LYN: variants seen among roughly 807,000 people sequenced by gnomAD.
LYN encodes the protein LYN proto-oncogene, Src family tyrosine kinase, also known as tyrosine-protein kinase Lyn.
Under a neutral mutation model 65.0 loss-of-function variants are expected in LYN, and 12 were observed. The observed-to-expected ratio is 0.18, with a 90% CI of 0.12 to 0.30. LYN has a LOEUF of 0.30. Among genes scored for constraint, LYN ranks in the 10% least tolerant of loss-of-function variants. The pLI, the probability that LYN is intolerant of heterozygous loss-of-function variation, is 1.00. For missense variants in LYN, 380 were observed against 623.2 expected, an observed-to-expected ratio of 0.61 and a Z score of 4.16; for synonymous variants, 222 against 221.2, an observed-to-expected ratio of 1.00 and a Z score of -0.03.
intron 1 of LYN, among the ~76,000 whole-genome samples, chr8:55,915,561 C>G (rs1175321164): frequency 6.6e-6 from 1 of 152,148 alleles, no homozygotes; most frequent in African/African-American, 2.4e-5. Flanking sequence ...AAAAAATTAG[C>G]TGGGCATGGT....
In LYN at chr8:56,010,130, A is replaced by AT. The variant is rs1563333388; in HGVS notation, c.*23dup. 6.2e-7 allele frequency: 1 copy of AT among 1,613,116 alleles called. No homozygotes were observed. Among genetic ancestry groups the AT allele is most frequent in the Non-Finnish European group, 8.5e-7 (1 of 1,179,212 alleles). ...CCTTAGAGCACAGGGAGACCCGTCC[A>AT]TTTGGCAGGGGTGGCTGCCTCATTT... is the stretch of plus-strand genomic sequence containing the variant. On this transcript the variant is annotated 3_prime_UTR_variant, in exon 13 of 13. Transcript: ENST00000519728.
At chr8:55,991,262 G>C (rs1366696165) in intron 10 of LYN, among the ~76,000 whole-genome samples, 4 of 152,202 alleles carry the variant, frequency 2.6e-5, no homozygotes, top group Non-Finnish European at 2.9e-5. Context: ...CACCAGCAGT[G>C]GGGGAGAAAG....
At chr8:55,924,810 C>T (rs1040322440) in intron 1 of LYN, among the ~76,000 whole-genome samples, 1 of 152,172 alleles carries the variant, frequency 6.6e-6, no homozygotes, top group African/African-American at 2.4e-5. Flanking sequence ...TGGTAAGTCA[C>T]TGCTTTGGCT....
intron 8 of LYN, among the ~76,000 whole-genome samples, chr8:55,959,332 G>T (rs1490659022): frequency 6.6e-6 from 1 of 152,106 alleles, no homozygotes; most frequent in Non-Finnish European, 1.5e-5. Context: ...TTTTTAAATT[G>T]TGTTCTTTAC....
intron 8 of LYN, chr8:55,955,259 G>A (rs999443130): frequency 3.9e-5 from 6 of 152,210 alleles, no homozygotes; most frequent in African/African-American, 1.4e-4. Flanking sequence ...GGCACATACT[G>A]AGCCAGCCTA....
intron 2 of LYN, among the ~76,000 whole-genome samples, chr8:55,943,658 TC>T (rs1403510122): frequency 6.6e-6 from 1 of 152,084 alleles, no homozygotes; most frequent in Non-Finnish European, 1.5e-5. Context: ...AGAAATATAT[TC>T]CCATTATCAA....
chr8:55,962,759 G>A (rs1345628968), intron 8 of LYN, among the ~76,000 whole-genome samples: 1 of 152,196 alleles, frequency 6.6e-6, no homozygotes, highest in East Asian at 1.9e-4. Context: ...AGGAATACCC[G>A]AGACTGGGTA....
intron 4 of LYN, among the ~76,000 whole-genome samples, chr8:55,949,400 C>T (rs1178721381): frequency 6.6e-6 from 1 of 152,224 alleles, no homozygotes; most frequent in Non-Finnish European, 1.5e-5. Context: ...TTGCTTCTGT[C>T]TCTAAACATA....
chr8:55,977,795 T>C (rs571781798), intron 10 of LYN, among the ~76,000 whole-genome samples: 30 of 150,962 alleles, frequency 2.0e-4, no homozygotes, highest in Non-Finnish European at 4.0e-4. Context: ...TGGTCGTGCC[T>C]GTAATCCCAG....
At chr8:55,942,393 GTGTATATATGTGTATATATATGTGTGTA>G (rs1806646219) in intron 2 of LYN, among the ~76,000 whole-genome samples, 1 of 134,274 alleles carries the variant, frequency 7.4e-6, no homozygotes, top group Admixed American at 7.4e-5. Context: ...ATATATATAT[GTGTATATATGTGTATATATATGTGTGTA>G]TATATATATA....
At chr8:55,945,730 A>ACC (rs143749858) in intron 2 of LYN, among the ~76,000 whole-genome samples, 12 of 151,332 alleles carry the variant, frequency 7.9e-5, no homozygotes, top group African/African-American at 2.7e-4. Flanking sequence ...CCAATAACTC[A>ACC]CCCCCCCACT....
In LYN at chr8:55,969,689, C is replaced by A. The variant is rs774979105; in HGVS notation, c.974-28C>A. The A allele has an allele frequency of 1.9e-6, 3 of 1,544,022 alleles. No homozygotes were observed. The South Asian group carries it at 3.3e-5, about 17-fold the overall frequency. ...GATTTTTTCTTGTGTGTTTGGAATGCACTAACTTGTTCTTTCTTTCTCCAT... is the reference window on the plus strand; with the variant it reads ...GATTTTTTCTTGTGTGTTTGGAATGAACTAACTTGTTCTTTCTTTCTCCAT... On this transcript the variant is annotated intron_variant, in intron 9 of 12. Coordinates refer to ENST00000519728, the MANE Select transcript of LYN (RefSeq NM_002350.4).
At chr8:55,902,738 C>G in intron 1 of LYN, 1 of 500,504 alleles carries the variant, frequency 2.0e-6, no homozygotes, top group Non-Finnish European at 3.9e-6. Context: ...TTACAGGTCT[C>G]ATTGTCACCA....
chr8:55,885,541 T>C (rs1189466952), intron 1 of LYN, among the ~76,000 whole-genome samples: 1 of 152,188 alleles, frequency 6.6e-6, no homozygotes, highest in East Asian at 1.9e-4. Flanking sequence ...GGCCTACCCT[T>C]GGGCGCTGGT....
At chr8:55,931,632 A>G (rs940896488) in intron 1 of LYN, among the ~76,000 whole-genome samples, 1 of 152,016 alleles carries the variant, frequency 6.6e-6, no homozygotes, top group Admixed American at 6.5e-5. Flanking sequence ...CATGCTATAT[A>G]TACTGTTTTT....
At chr8:55,971,053 G>A (rs1807595996) in intron 10 of LYN, among the ~76,000 whole-genome samples, 1 of 152,206 alleles carries the variant, frequency 6.6e-6, no homozygotes, top group African/African-American at 2.4e-5. Context: ...TGATGGGTGA[G>A]TCACAGTGCT....
intron 1 of LYN, among the ~76,000 whole-genome samples, chr8:55,914,489 T>G (rs75160967): frequency 3.4e-4 from 52 of 152,250 alleles, no homozygotes; most frequent in African/African-American, 1.1e-3. Flanking sequence ...AGAGGCACTA[T>G]GCAGTGAATC....
chr8:55,956,539 A>C (rs1807118033), intron 8 of LYN, among the ~76,000 whole-genome samples: 1 of 152,062 alleles, frequency 6.6e-6, no homozygotes, highest in Non-Finnish European at 1.5e-5. Flanking sequence ...GCAACTTTTT[A>C]CTCCCTTTTG....
chr8:56,001,414 T>C (rs1808508365), intron 12 of LYN, among the ~76,000 whole-genome samples: 1 of 152,142 alleles, frequency 6.6e-6, no homozygotes, highest in South Asian at 2.1e-4. Context: ...GGGAAGGCTT[T>C]TGGACAGAGC....
Sources: allele counts gnomAD v4.1 joint callset (sites outside exome capture counted in the v4.1 genomes callset), GRCh38; gene constraint gnomAD v4.1.1; transcripts MANE v1.5; gene names NCBI Gene and HGNC (gene_info 2026-07-23, HGNC 2026-07-21).